The following SDK2 variants were observed in gnomAD, a reference collection of about 807,000 sequenced individuals.
SDK2 encodes the protein sidekick cell adhesion molecule 2.
In SDK2, 105 loss-of-function variants were observed where a neutral mutation model predicts 253.9. The ratio of observed to expected loss-of-function variants is 0.41; its 90% confidence interval spans 0.35 to 0.49. The LOEUF is 0.49. SDK2 is among the 20% of genes least tolerant of loss of function. The pLI is 0.06. For missense variants in SDK2, 2,608 were observed against 3,003.0 expected (o/e 0.87, Z 3.07); for synonymous variants, 1,249 against 1,234.9 (o/e 1.01, Z -0.24).
At chr17:73,470,629 G>C (rs1477611633) in intron 3 of SDK2, among the ~76,000 whole-genome samples, 5 of 152,294 alleles carry the variant, frequency 3.3e-5, no homozygotes, top group Non-Finnish European at 7.4e-5. Context: ...CTGATTTATG[G>C]GGACAATCCA....
intron 1 of SDK2, among the ~76,000 whole-genome samples, chr17:73,548,477 T>A (rs1431832071): frequency 1.3e-5 from 2 of 152,252 alleles, no homozygotes; most frequent in Non-Finnish European, 2.9e-5. Context: ...AGGCACAGGA[T>A]GATTATTCCT....
rs563366106 is a variant in SDK2 at position 73,490,374 on chromosome 17, T to C, written c.224+17064A>G. The stretch of plus-strand genomic sequence containing the variant: ...GCCCAGGTAGCTCTGCTCTAAGGGA[T>C]GGTAGACACAGGTGGAGAAGGAGGG... On this transcript the variant is annotated intron_variant, in intron 2 of 44. Coordinates refer to ENST00000392650, the MANE Select transcript of SDK2 (RefSeq NM_001144952.2). 2.0e-5 allele frequency among the ~76,000 whole-genome samples: 3 copies of C among 152,310 alleles called. No homozygotes were observed. The South Asian group carries it at 6.2e-4, about 32-fold the overall frequency.
Position 73,383,308 on chromosome 17 carries a change from CCT to C in SDK2, c.4705+566_4705+567del, listed in dbSNP as rs1208128655. Reference sequence around the variant, plus strand: ...CGTGGTCTTCTGGGCATCGGCTCTCCCTGACATTTCCACCTGGGCTCCCCTCT... The same window carrying C: ...CGTGGTCTTCTGGGCATCGGCTCTCCGACATTTCCACCTGGGCTCCCCTCT... On this transcript the variant is annotated intron_variant, in intron 33 of 44. Coordinates refer to ENST00000392650, the MANE Select transcript of SDK2 (RefSeq NM_001144952.2). The surrounding 1 kb of genome is among the most constrained non-coding windows in gnomAD (Gnocchi z 4.3). 6.6e-6 allele frequency among the ~76,000 whole-genome samples: 1 copy of C among 152,200 alleles called. No individual in the cohort carries two copies. Among genetic ancestry groups the C allele is most frequent in the Non-Finnish European group, 1.5e-5 (1 of 68,034 alleles).
intron 38 of SDK2, among the ~76,000 whole-genome samples, chr17:73,364,968 T>C (rs774777990): frequency 1.8e-4 from 28 of 152,272 alleles, no homozygotes; most frequent in Non-Finnish European, 3.5e-4. Flanking sequence ...CACTCAGGTT[T>C]CCCTTCCTTT....
intron 32 of SDK2, among the ~76,000 whole-genome samples, chr17:73,384,957 G>T (rs557113067): frequency 2.6e-5 from 4 of 152,282 alleles, no homozygotes; most frequent in Admixed American, 6.5e-5. Flanking sequence ...GCCTCGTCCC[G>T]GTCACAGGTG....
chr17:73,388,808 T>C (rs201140498), intron 29 of SDK2, among the ~76,000 whole-genome samples: 33,667 of 94,628 alleles, frequency 0.36, 6,517 homozygotes, highest in East Asian at 0.57. Flanking sequence ...CCTTCCTTCC[T>C]TCCCTCCCTC....
rs1464700103 is a variant in SDK2 at position 73,612,468 on chromosome 17, C to T, written c.64+31557G>A. ...CCCTCACTGGGTCCTTGTGGCCCTG[C>T]CGGGGTGAGGGTAGAAGAGGAGGCC... On this transcript the variant is annotated intron_variant, in intron 1 of 44. Coordinates refer to ENST00000392650, the MANE Select transcript of SDK2 (RefSeq NM_001144952.2). The surrounding 1 kb of genome is among the most constrained non-coding windows in gnomAD (Gnocchi z 4.4). 6.6e-6 allele frequency among the ~76,000 whole-genome samples: 1 copy of T among 152,156 alleles called. No individual in the cohort carries two copies. Among genetic ancestry groups the T allele is most frequent in the Non-Finnish European group, 1.5e-5 (1 of 68,024 alleles).
intron 17 of SDK2, 110 bp from the exon 18 acceptor site, chr17:73,414,869 C>T: frequency 1.5e-6 from 1 of 667,310 alleles, no homozygotes; most frequent in Non-Finnish European, 2.7e-6. Context: ...GCCTTGCACC[C>T]CCCTACCCCA....
At chr17:73,437,565 T>G (rs1237172365) in intron 8 of SDK2, among the ~76,000 whole-genome samples, 174 bp downstream of exon 8, 1 of 152,102 alleles carries the variant, frequency 6.6e-6, no homozygotes, top group African/African-American at 2.4e-5. Context: ...AGCCTGAGAT[T>G]ATGGTAATTT....
chr17:73,604,995 G>A (rs762774028), intron 1 of SDK2, among the ~76,000 whole-genome samples: 5 of 152,214 alleles, frequency 3.3e-5, no homozygotes, highest in Non-Finnish European at 7.3e-5. Context: ...ACCCCAGAAG[G>A]CTGCAGTGTT....
intron 44 of SDK2, among the ~76,000 whole-genome samples, chr17:73,341,236 T>C (rs931078351): frequency 2.0e-5 from 3 of 150,714 alleles, no homozygotes; most frequent in African/African-American, 7.3e-5. Flanking sequence ...CTGACTTTTT[T>C]TTTTTTTTTT....
chr17:73,551,474 C>T (rs557757083), intron 1 of SDK2, among the ~76,000 whole-genome samples: 3 of 152,298 alleles, frequency 2.0e-5, no homozygotes, highest in East Asian at 3.9e-4. Context: ...GCGGAGCGGC[C>T]GAGGCCTTCG....
At chr17:73,545,454 GT>G (rs974504944) in intron 1 of SDK2, among the ~76,000 whole-genome samples, 140 of 152,314 alleles carry the variant, frequency 9.2e-4, no homozygotes, top group African/African-American at 3.2e-3. Flanking sequence ...GGTGGTAGGG[GT>G]TAGAGATGAG....
rs147535994 is a variant in SDK2 at position 73,358,262 on chromosome 17, G to A, written c.5468-58C>T. On this transcript the variant is annotated intron_variant, in intron 39 of 44. Coordinates refer to ENST00000392650, the MANE Select transcript of SDK2 (RefSeq NM_001144952.2). ...GGAACCCAGAACAGCCACCCAGCCC[G>A]TCACCCTGGGCTCGAGGAGGAACAC... 9.6e-5 allele frequency: 149 copies of A among 1,544,758 alleles called. No homozygotes were observed. The African/African-American group carries it at 1.1e-3, about 12-fold the overall frequency.
intron 1 of SDK2, among the ~76,000 whole-genome samples, chr17:73,527,591 C>T (rs1033673758): frequency 2.0e-5 from 3 of 152,206 alleles, no homozygotes; most frequent in African/African-American, 7.2e-5. Context: ...TAGTGAGCCA[C>T]ATCCAGGCTC....
At chr17:73,514,185 TG>T (rs1342007845) in intron 1 of SDK2, among the ~76,000 whole-genome samples, 2 of 152,158 alleles carry the variant, frequency 1.3e-5, no homozygotes, top group African/African-American at 4.8e-5. Flanking sequence ...CATTTAGGCA[TG>T]TCACGTGGCT....
chr17:73,352,609 T>C lies in SDK2; in HGVS notation c.5622A>G (p.Lys1874=). 1 of 1,613,974 alleles carries C rather than the reference T, an allele frequency of 6.2e-7. No homozygotes were observed. Among genetic ancestry groups the C allele is most frequent in the Non-Finnish European group, 8.5e-7 (1 of 1,179,880 alleles). The change falls in exon 41 of 45, where the codon AAA becomes AAG. Residue 1874 remains lysine (K), a synonymous_variant. Coordinates refer to ENST00000392650, the MANE Select transcript of SDK2 (RefSeq NM_001144952.2). The surrounding 1 kb of genome is among the most constrained non-coding windows in gnomAD (Gnocchi z 4.1). ...SDEGLWDILI[K]DIPKEVSSYT... ...AGGAGCTCACCTCCTTGGGGATGTC[T>C]TTGATGAGGATGTCCCATAGTCCCT... is the stretch of plus-strand genomic sequence containing the variant.
At chr17:73,600,391 C>T (rs534726380) in intron 1 of SDK2, among the ~76,000 whole-genome samples, 41 of 152,306 alleles carry the variant, frequency 2.7e-4, no homozygotes, top group African/African-American at 7.7e-4. Context: ...TCATTAAAAA[C>T]GGGACGCCTT....
intron 2 of SDK2, among the ~76,000 whole-genome samples, chr17:73,499,186 C>A (rs1001319175): frequency 6.6e-6 from 1 of 152,230 alleles, no homozygotes; most frequent in African/African-American, 2.4e-5. Flanking sequence ...GATAAAGCCG[C>A]TGGCCTGGGG....
Sources: allele counts gnomAD v4.1 joint callset (sites outside exome capture counted in the v4.1 genomes callset), GRCh38; gene constraint gnomAD v4.1.1; non-coding constraint Gnocchi (gnomAD v3.1); transcripts MANE v1.5; gene names NCBI Gene and HGNC (gene_info 2026-07-23, HGNC 2026-07-21).